The following ATE1 variants were observed in gnomAD, a reference collection of about 807,000 sequenced individuals.
The protein encoded by ATE1 is arginyltransferase 1.
Under a neutral mutation model 70.5 loss-of-function variants are expected in ATE1, and 36 were observed. The ratio of observed to expected loss-of-function variants is 0.51; its 90% CI spans 0.39 to 0.67. The LOEUF (loss-of-function observed/expected upper bound fraction) is 0.67. ATE1 is among the 30% of genes least tolerant of loss of function. The pLI, the probability that ATE1 is intolerant of heterozygous loss-of-function variation, is 0.00. For missense variants in ATE1, 593 were observed against 629.5 expected (o/e 0.94, Z 0.62); for synonymous variants, 232 against 219.3 (o/e 1.06, Z -0.51).
chr10:121,855,691 A>C (rs1280404047), intron 8 of ATE1, among the ~76,000 whole-genome samples: 1 of 152,238 alleles, frequency 6.6e-6, no homozygotes, highest in Non-Finnish European at 1.5e-5. Flanking sequence ...CAGAGATAAG[A>C]AAGCAGGTAT....
At chr10:121,776,073 G>A (rs1228866086) in intron 11 of ATE1, among the ~76,000 whole-genome samples, 1 of 152,136 alleles carries the variant, frequency 6.6e-6, no homozygotes. Flanking sequence ...CATAAAGGGG[G>A]ATATGTCATA....
intron 10 of ATE1, among the ~76,000 whole-genome samples, chr10:121,808,069 T>C (rs1947170342): frequency 6.6e-6 from 1 of 152,102 alleles, no homozygotes; most frequent in Non-Finnish European, 1.5e-5. Context: ...CAAGGGTCTG[T>C]TTATCTTGTG....
intron 7 of ATE1, among the ~76,000 whole-genome samples, chr10:121,896,886 T>C (rs970697259): frequency 1.3e-5 from 2 of 149,568 alleles, no homozygotes; most frequent in Admixed American, 6.6e-5. Context: ...AGGTACTCTA[T>C]GTTCTGGCCA....
chr10:121,768,976 A>C (rs1945388445), intron 11 of ATE1, among the ~76,000 whole-genome samples: 1 of 150,282 alleles, frequency 6.7e-6, no homozygotes, highest in South Asian at 2.1e-4. Flanking sequence ...AATTCTCCCC[A>C]AATTTATATA....
At chr10:121,836,864 T>C in intron 9 of ATE1, 47 bp from the exon 10 acceptor site, 2 of 1,175,256 alleles carry the variant, frequency 1.7e-6, no homozygotes, top group Non-Finnish European at 2.5e-6. Context: ...ATTCTGGTTC[T>C]AATGTACAAA....
intron 10 of ATE1, among the ~76,000 whole-genome samples, chr10:121,792,455 CTCACTGCACTGTTGCTGGT>C (rs928075843): frequency 2.0e-5 from 3 of 152,166 alleles, no homozygotes; most frequent in Non-Finnish European, 2.9e-5. Context: ...TCCTGGAGTG[CTCACTGCACTGTTGCTGGT>C]TCACTGCACT....
chr10:121,805,710 A>G (rs1405626956), intron 10 of ATE1, among the ~76,000 whole-genome samples: 1 of 152,242 alleles, frequency 6.6e-6, no homozygotes, highest in Non-Finnish European at 1.5e-5. Context: ...TTTACAAACA[A>G]TTGGAATCAC....
At position 121,902,397 on chromosome 10, in the gene ATE1, C is replaced by T; in HGVS notation, c.807G>A (p.Lys269=). 3 of 1,613,452 alleles carry T rather than the reference C, an allele frequency of 1.9e-6. No homozygotes were observed. Among genetic ancestry groups the T allele is most frequent in the South Asian group, 1.1e-5 (1 of 90,968 alleles). ...FESLPENASH[K]LEVRVVRSSP... The stretch of plus-strand genomic sequence containing the variant: ...CAAAAGTCCTCCAAAGTACCTCTAA[C>T]TTGTGTGATGCATTCTCTGGTAAAG... The change falls in exon 6 of 12, where the codon AAG becomes AAA. Residue 269 remains lysine (K), a synonymous_variant. Coordinates refer to ENST00000224652, the MANE Select transcript of ATE1 (RefSeq NM_001001976.3).
intron 7 of ATE1, among the ~76,000 whole-genome samples, 171 bp downstream of exon 7, chr10:121,899,695 G>A (rs1354854970): frequency 6.6e-6 from 1 of 152,150 alleles, no homozygotes; most frequent in Non-Finnish European, 1.5e-5. Context: ...ATGGCACTAG[G>A]TAAAATTTGC....
At position 121,837,180 on chromosome 10, in the gene ATE1, AT is replaced by A. The variant is rs1384978628; in HGVS notation, c.1158-364del. Among the ~76,000 whole-genome samples the A allele has an allele frequency of 2.6e-5, 4 of 152,342 alleles. No homozygotes were observed. The South Asian group carries it at 6.2e-4, about 24-fold the overall frequency. ...TAACAGGTTAAAAACAGTACAGCAC[AT>A]TTTAGAAAACTCAAAAGCCAATAAA... On this transcript the variant is annotated intron_variant, in intron 9 of 11. Coordinates refer to ENST00000224652, the MANE Select transcript of ATE1 (RefSeq NM_001001976.3).
intron 5 of ATE1, among the ~76,000 whole-genome samples, chr10:121,906,925 G>C (rs1032442243): frequency 5.9e-5 from 9 of 151,874 alleles, no homozygotes; most frequent in African/African-American, 2.2e-4. Flanking sequence ...AAATAGTCTC[G>C]GATTTTTAGT....
upstream of ATE1, chr10:121,928,400 C>G: frequency 6.5e-7 from 1 of 1,530,532 alleles, no homozygotes; most frequent in Non-Finnish European, 8.8e-7. Flanking sequence ...GTAGCCGGCC[C>G]TGAGGCCCTT....
chr10:121,795,573 T>C (rs1039281040), intron 10 of ATE1, among the ~76,000 whole-genome samples: 4 of 152,242 alleles, frequency 2.6e-5, no homozygotes, highest in Non-Finnish European at 5.9e-5. Context: ...CATAAATGCA[T>C]ACATTTTAAC....
intron 7 of ATE1, among the ~76,000 whole-genome samples, chr10:121,875,012 G>A (rs1405751012): frequency 1.3e-4 from 18 of 134,088 alleles, no homozygotes; most frequent in Admixed American, 1.0e-3. Context: ...AATTAGCCGG[G>A]CACGTAGTCC....
intron 11 of ATE1, among the ~76,000 whole-genome samples, chr10:121,748,160 T>A (rs961514679): frequency 6.6e-6 from 1 of 152,206 alleles, no homozygotes; most frequent in Non-Finnish European, 1.5e-5. Context: ...TAAACCTTTA[T>A]CCTAAAATAT....
chr10:121,917,866 T>A (rs1564964743), intron 3 of ATE1, among the ~76,000 whole-genome samples: 1 of 152,188 alleles, frequency 6.6e-6, no homozygotes. Flanking sequence ...TAAAAAATCA[T>A]AGCCAGAAAA....
chr10:121,851,122 A>G (rs950999451), intron 8 of ATE1, among the ~76,000 whole-genome samples: 104 of 133,048 alleles, frequency 7.8e-4, no homozygotes, highest in African/African-American at 2.9e-3. Context: ...AAAAAAAAAA[A>G]AGAATTTCAG....
At chr10:121,878,947 A>G (rs1388114829) in intron 7 of ATE1, among the ~76,000 whole-genome samples, 3 of 152,332 alleles carry the variant, frequency 2.0e-5, no homozygotes, top group Admixed American at 2.0e-4. Context: ...TCAACAAGAA[A>G]GCAATAAAAT....
rs115070747 is a variant in ATE1, at chr10:121,764,863, G to A, written c.1379-21005C>T. Among the ~76,000 whole-genome samples, 703 of 152,256 alleles carry A rather than the reference G, an allele frequency of 4.6e-3. 6 individuals are homozygous for A. Among genetic ancestry groups the A allele is most frequent in the African/African-American group, 0.016 (674 of 41,544 alleles). ...ATAACAAGCATATAATCACTCATGT[G>A]TTGCTGCTTCTAGTAAAACTGTTGT... On this transcript the variant is annotated intron_variant, in intron 11 of 11. Coordinates refer to ENST00000224652, the MANE Select transcript of ATE1 (RefSeq NM_001001976.3).
Sources: gnomAD v4.1 joint callset for allele counts (sites outside exome capture counted in the v4.1 genomes callset) on GRCh38, gnomAD v4.1.1 for gene constraint, MANE v1.5 for transcripts, NCBI Gene and HGNC (gene_info 2026-07-23, HGNC 2026-07-21) for gene names.